The following STKLD1 variants were observed in gnomAD, a reference collection of about 807,000 sequenced individuals.
The protein encoded by STKLD1 is serine/threonine kinase-like domain-containing protein STKLD1.
STKLD1 carries 79 observed loss-of-function variants against 80.4 expected under a neutral mutation model. That is an observed-to-expected ratio of 0.98 (90% CI 0.82 to 1.19). STKLD1 has a LOEUF of 1.19. Ranked by LOEUF, STKLD1 falls within the 50% of genes most tolerant of loss-of-function variation. The pLI, the probability that STKLD1 is intolerant of heterozygous loss-of-function variation, is 0.00. For missense variants in STKLD1, 841 were observed against 856.0 expected (o/e 0.98, Z 0.22); for synonymous variants, 393 against 357.6 (o/e 1.10, Z -1.12).
intron 5 of STKLD1, among the ~76,000 whole-genome samples, chr9:133,388,143 G>A (rs2130281797): frequency 0.011 from 1,740 of 152,310 alleles, 14 homozygotes; most frequent in East Asian, 0.019. Context: ...TTCAGTGGAT[G>A]CTCCAAACAG....
chr9:133,402,816 C>G, intron 13 of STKLD1, 62 bp from the exon 14 acceptor site: 1 of 1,551,908 alleles, frequency 6.4e-7, no homozygotes, highest in African/African-American at 1.4e-5. Flanking sequence ...CCAAGGACAA[C>G]AGAGGCAGGA....
chr9:133,391,966 C>G (rs917399423), intron 7 of STKLD1, among the ~76,000 whole-genome samples: 1 of 151,002 alleles, frequency 6.6e-6, no homozygotes, highest in South Asian at 2.1e-4. Flanking sequence ...CAAGGGGAGA[C>G]GAGTTCTCGT....
At chr9:133,393,257 T>G (rs1312667417) in intron 7 of STKLD1, among the ~76,000 whole-genome samples, 4 of 123,164 alleles carry the variant, frequency 3.2e-5, no homozygotes, top group Non-Finnish European at 6.7e-5. Context: ...GGAGGGTAGG[T>G]AAGTGGATGG....
At position 133,397,430 on chromosome 9, in the gene STKLD1, C is replaced by G; in HGVS notation, c.997+136C>G. The G allele has an allele frequency of 3.4e-6, 4 of 1,174,716 alleles. No homozygotes were observed. The South Asian group carries it at 4.4e-5, about 13-fold the overall frequency. The allele number at this position is 1,174,716 out of a possible 1,614,324, so 72.8% of individuals were successfully genotyped here. On this transcript the variant is annotated intron_variant, in intron 10 of 17. Transcript: ENST00000371957. The stretch of plus-strand genomic sequence containing the variant: ...CACATGCACGACCAGTGGGTAGGAA[C>G]AGTTTCCCTCCATCCATCCCTACAC...
In STKLD1 at chr9:133,405,959, T is replaced by C. The variant is rs894020337; in HGVS notation, c.*538T>C. 1 of 153,100 alleles carries C rather than the reference T, an allele frequency of 6.5e-6. No homozygotes were observed. The highest frequency in any genetic ancestry group is 6.5e-5 in the Admixed American group (1 of 15,360). The allele number at this position is 153,100 out of a possible 1,614,324, so 9.5% of individuals were successfully genotyped here. A position where few individuals can be genotyped will look rare whatever the true frequency, so the allele number is the denominator to read the frequency against. ...CTGGCAAGAGGCTGTGACTGGCCAG[T>C]GGGATACTTAATTCTGCAGTCTCTA... On this transcript the variant is annotated 3_prime_UTR_variant, in exon 18 of 18. Coordinates refer to ENST00000371957, the MANE Select transcript of STKLD1 (RefSeq NM_153710.5).
At chr9:133,401,148 T>G (rs1196134561) in intron 12 of STKLD1, among the ~76,000 whole-genome samples, 1 of 151,602 alleles carries the variant, frequency 6.6e-6, no homozygotes, top group Non-Finnish European at 1.5e-5. Flanking sequence ...AGTTACTTTT[T>G]TTTTTTTTTT....
In STKLD1 at chr9:133,405,000, G is replaced by A. The variant is rs935151148; in HGVS notation, c.1873+71G>A. Reference sequence around the variant, plus strand: ...GGGGTGCCCCGCTCCCCCTATAACTGACAGGGAAGGAGCACATGGAAGGTG... The same window carrying A: ...GGGGTGCCCCGCTCCCCCTATAACTAACAGGGAAGGAGCACATGGAAGGTG... On this transcript the variant is annotated intron_variant, in intron 17 of 17. Coordinates refer to ENST00000371957, the MANE Select transcript of STKLD1 (RefSeq NM_153710.5). 3.8e-6 allele frequency: 6 copies of A among 1,567,516 alleles called. No homozygotes were observed. The African/African-American group carries it at 8.3e-5, about 22-fold the overall frequency.
chr9:133,388,788 G>C, intron 5 of STKLD1: 1 of 985,394 alleles, frequency 1.0e-6, no homozygotes, highest in Non-Finnish European at 1.2e-6. Context: ...TGTGTTTGGG[G>C]GGACCATGTA....
chr9:133,385,756 G>C lies in STKLD1; in HGVS notation c.294+65G>C. Reference sequence around the variant, plus strand: ...AGTGGGCTGCAGGACCAAGCAGACTGAGCCCAGAGCACGCCCACCCCCCAC... The same window carrying C: ...AGTGGGCTGCAGGACCAAGCAGACTCAGCCCAGAGCACGCCCACCCCCCAC... On this transcript the variant is annotated intron_variant, in intron 4 of 17. Coordinates refer to ENST00000371957, the MANE Select transcript of STKLD1 (RefSeq NM_153710.5). The surrounding 1 kb of genome is among the most constrained non-coding windows in gnomAD (Gnocchi z 4.9). 6.8e-7 allele frequency: 1 copy of C among 1,465,354 alleles called. No homozygotes were observed. Among genetic ancestry groups the C allele is most frequent in the South Asian group, 1.1e-5 (1 of 87,066 alleles). 90.8% of individuals were successfully genotyped at this position (1,465,354 alleles called of 1,614,324 possible). A position where few individuals can be genotyped will look rare whatever the true frequency, so the allele number is the denominator to read the frequency against.
chr9:133,387,440 CCAG>C lies in STKLD1; in HGVS notation c.295-3_295-1del. 6.2e-7 allele frequency: 1 copy of C among 1,612,936 alleles called. No homozygotes were observed. On this transcript the variant is annotated splice_region_variant and splice_polypyrimidine_tract_variant and intron_variant, in intron 4 of 17. Coordinates refer to ENST00000371957, the MANE Select transcript of STKLD1 (RefSeq NM_153710.5). ...GTCCTTTGGCTAAGGGCCTCCTGTC[CCAG>C]CAGATCTCTTCTCTGTACCTCTGCC... is the stretch of plus-strand genomic sequence containing the variant.
At chr9:133,395,867 C>T (rs937787553) in intron 9 of STKLD1, 104 bp downstream of exon 9, 38 of 1,188,396 alleles carry the variant, frequency 3.2e-5, no homozygotes, top group Non-Finnish European at 4.2e-5. Flanking sequence ...CCTCAAAGAA[C>T]TCCATCACAG....
At chr9:133,383,329 GTGATGGTGATGGTGATGATGGTAA>G (rs1838190471) in intron 2 of STKLD1, among the ~76,000 whole-genome samples, 1 of 18,158 alleles carries the variant, frequency 5.5e-5, no homozygotes, top group African/African-American at 1.4e-4. Flanking sequence ...GATGATGGTG[GTGATGGTGATGGTGATGATGGTAA>G]TGATGGTGAT....
chr9:133,401,960 A>G (rs1838718236), intron 13 of STKLD1, 82 bp downstream of exon 13: 4 of 1,560,296 alleles, frequency 2.6e-6, no homozygotes, highest in Middle Eastern at 1.7e-4. Flanking sequence ...GGTTTGGGGT[A>G]TAGGTGGGTT....
At position 133,379,126 on chromosome 9, in the gene STKLD1, A is replaced by G; in HGVS notation, c.174+4A>G. ...AGTCAAGCATGTGATAAAGCAGGTA[A>G]GAGGCCAAGCCTGTGCATCCCATGC... On this transcript the variant is annotated splice_donor_region_variant and intron_variant, in intron 2 of 17. Coordinates refer to ENST00000371957, the MANE Select transcript of STKLD1 (RefSeq NM_153710.5). The G allele has an allele frequency of 6.2e-7, 1 of 1,613,624 alleles. No individual in the cohort carries two copies. Among genetic ancestry groups the G allele is most frequent in the Non-Finnish European group, 8.5e-7 (1 of 1,179,690 alleles).
At chr9:133,393,457 GGATGGATGGTTGGGTGGGTA>G (rs1838472025) in intron 7 of STKLD1, among the ~76,000 whole-genome samples, 1 of 146,584 alleles carries the variant, frequency 6.8e-6, no homozygotes, top group Non-Finnish European at 1.5e-5. Context: ...CATGGGTTGT[GGATGGATGGTTGGGTGGGTA>G]GATGGATGGG....
chr9:133,379,640 G>A (rs1316804301), intron 2 of STKLD1, among the ~76,000 whole-genome samples: 1 of 152,210 alleles, frequency 6.6e-6, no homozygotes, highest in Non-Finnish European at 1.5e-5. Context: ...ACCAGGCCCT[G>A]AGCCCTTCCA....
At chr9:133,391,089 G>C (rs1034311081) in intron 7 of STKLD1, among the ~76,000 whole-genome samples, 6 of 152,208 alleles carry the variant, frequency 3.9e-5, no homozygotes, top group Admixed American at 3.9e-4. Context: ...GGAGGGAAAA[G>C]AAAGTGTCAG....
intron 2 of STKLD1, among the ~76,000 whole-genome samples, chr9:133,380,559 G>A (rs1040816511): frequency 2.6e-5 from 4 of 152,168 alleles, no homozygotes; most frequent in East Asian, 2.0e-4. Flanking sequence ...GAGCTGACGC[G>A]GGAGAATTGC....
At chr9:133,386,613 A>G (rs1241072783) in intron 4 of STKLD1, among the ~76,000 whole-genome samples, 2 of 152,242 alleles carry the variant, frequency 1.3e-5, no homozygotes, top group Admixed American at 6.5e-5. Flanking sequence ...GGAGCTCTCC[A>G]AGGCCACACA....
Sources: gnomAD v4.1 joint callset for allele counts (sites outside exome capture counted in the v4.1 genomes callset) on GRCh38, gnomAD v4.1.1 for gene constraint, Gnocchi (gnomAD v3.1) non-coding constraint, MANE v1.5 for transcripts, NCBI Gene and HGNC (gene_info 2026-07-23, HGNC 2026-07-21) for gene names.